The following FIG4 variants were observed in gnomAD, a reference collection of about 807,000 sequenced individuals.
FIG4 encodes FIG4 phosphoinositide 5-phosphatase.
Under a neutral mutation model 118.6 loss-of-function variants are expected in FIG4, and 112 were observed. The ratio of observed to expected loss-of-function variants is 0.94; its 90% CI spans 0.81 to 1.11. The LOEUF (loss-of-function observed/expected upper bound fraction) is 1.11. Among genes scored for constraint, FIG4 ranks in the 50% least tolerant of loss-of-function variants. The pLI, the probability that FIG4 is intolerant of heterozygous loss-of-function variation, is 0.00. For missense variants in FIG4, 969 were observed against 1,111.7 expected (o/e 0.87, Z 1.83); for synonymous variants, 369 against 381.2 (o/e 0.97, Z 0.37).
intron 22 of FIG4, among the ~76,000 whole-genome samples, chr6:109,808,469 T>C (rs963764772): frequency 3.3e-5 from 5 of 152,134 alleles, no homozygotes. Flanking sequence ...ATTTTTAGTA[T>C]TCTTTGTGAC....
chr6:109,717,786 A>G (rs562116069), intron 3 of FIG4, among the ~76,000 whole-genome samples: 1 of 152,356 alleles, frequency 6.6e-6, no homozygotes, highest in Non-Finnish European at 1.5e-5. Context: ...AGGCAAGGCC[A>G]GATTGCTTTG....
At chr6:109,760,219 G>A (rs1455437815) in intron 10 of FIG4, 31 bp from the exon 11 acceptor site, 1 of 1,594,792 alleles carries the variant, frequency 6.3e-7, no homozygotes, top group Admixed American at 1.7e-5. Context: ...AAGGAAATTA[G>A]AACACTGAAA....
intron 15 of FIG4, among the ~76,000 whole-genome samples, chr6:109,769,544 C>G (rs917744346): frequency 1.3e-5 from 2 of 151,766 alleles, no homozygotes; most frequent in African/African-American, 4.8e-5. Flanking sequence ...TTAAACCACT[C>G]AAGACAACTT....
intron 4 of FIG4, among the ~76,000 whole-genome samples, chr6:109,729,004 G>T (rs1436837730): frequency 6.6e-6 from 1 of 151,756 alleles, no homozygotes; most frequent in Non-Finnish European, 1.5e-5. Context: ...GTTTTTTATA[G>T]GTAAACTGAA....
intron 4 of FIG4, among the ~76,000 whole-genome samples, chr6:109,729,402 T>C (rs1322696637): frequency 6.6e-6 from 1 of 152,134 alleles, no homozygotes; most frequent in Non-Finnish European, 1.5e-5. Context: ...GCATTACTTT[T>C]AATCAAGGTA....
At chr6:109,719,115 C>T (rs963735541) in intron 3 of FIG4, among the ~76,000 whole-genome samples, 7 of 152,068 alleles carry the variant, frequency 4.6e-5, no homozygotes, top group Middle Eastern at 3.4e-3. Context: ...GATGGGGTTT[C>T]GCCATGTTGG....
chr6:109,788,245 C>T (rs1461051565), intron 18 of FIG4, among the ~76,000 whole-genome samples: 1 of 152,164 alleles, frequency 6.6e-6, no homozygotes, highest in African/African-American at 2.4e-5. Context: ...TAACATAACA[C>T]TCATGGCCAA....
In FIG4 at chr6:109,741,562, A is replaced by G; in HGVS notation, c.876+18A>G. On this transcript the variant is annotated intron_variant, in intron 8 of 22. Transcript: ENST00000230124. ...ACTGTGAGGTAAGATGACAAACAGT[A>G]TCTTCACTGACCTTTTAACCTTTTA... 1.4e-6 allele frequency: 2 copies of G among 1,426,596 alleles called. No individual in the cohort carries two copies. The highest frequency in any genetic ancestry group is 2.0e-6 in the Non-Finnish European group (2 of 1,009,100). The allele number at this position is 1,426,596 out of a possible 1,614,324, so 88.4% of individuals were successfully genotyped here.
chr6:109,748,072 C>T (rs1776560167), intron 10 of FIG4, among the ~76,000 whole-genome samples: 1 of 152,032 alleles, frequency 6.6e-6, no homozygotes, highest in African/African-American at 2.4e-5. Flanking sequence ...TGGTCATCTG[C>T]TGAGAGTGGA....
chr6:109,696,074 T>G (rs925190657), intron 1 of FIG4, among the ~76,000 whole-genome samples: 21 of 152,216 alleles, frequency 1.4e-4, no homozygotes, highest in African/African-American at 5.1e-4. Context: ...CTTCTTAAAG[T>G]TATTCATTTG....
intron 1 of FIG4, among the ~76,000 whole-genome samples, chr6:109,711,223 C>A (rs930634525): frequency 1.3e-5 from 2 of 152,042 alleles, no homozygotes; most frequent in Admixed American, 6.6e-5. Context: ...CACGGTGAAA[C>A]CCCGTCTCTA....
rs367715585 is a variant in FIG4, at chr6:109,735,129, A to G, written c.498-21A>G. On this transcript the variant is annotated intron_variant, in intron 5 of 22. Coordinates refer to ENST00000230124, the MANE Select transcript of FIG4 (RefSeq NM_014845.6). ...ATGCTTTGCTTTTGTAATTCTTATTAAGTTTCAATTCTGTTCTCAGTTACA... is the reference window on the plus strand; with the variant it reads ...ATGCTTTGCTTTTGTAATTCTTATTGAGTTTCAATTCTGTTCTCAGTTACA... 21 of 1,606,798 alleles carry G rather than the reference A, an allele frequency of 1.3e-5. No homozygotes were observed. The highest frequency in any genetic ancestry group is 1.6e-5 in the Non-Finnish European group (19 of 1,174,004).
intron 1 of FIG4, among the ~76,000 whole-genome samples, chr6:109,694,509 T>A (rs113475506): frequency 2.2e-4 from 34 of 152,340 alleles, no homozygotes; most frequent in African/African-American, 7.9e-4. Flanking sequence ...GGGGAAATGC[T>A]TCAGGATATT....
chr6:109,748,699 C>T (rs191601021), intron 10 of FIG4, among the ~76,000 whole-genome samples: 6 of 152,258 alleles, frequency 3.9e-5, no homozygotes, highest in East Asian at 1.9e-4. Context: ...CACAGTTCCA[C>T]GTGGCTGGGG....
chr6:109,789,745 C>T, intron 19 of FIG4, 68 bp downstream of exon 19: 1 of 1,053,870 alleles, frequency 9.5e-7, no homozygotes, highest in Non-Finnish European at 1.5e-6. Flanking sequence ...AATATGATTT[C>T]CACCAAAAAC....
Position 109,722,735 on chromosome 6 carries a change from A to G in FIG4, c.290-4374A>G, listed in dbSNP as rs974393611. On this transcript the variant is annotated intron_variant, in intron 3 of 22. Transcript: ENST00000230124. ...TGCCCTGTGAGTGAGTGAGCTGGGC[A>G]GGGATGGGACCTTGTGTTCTTGGCC... 1.1e-4 allele frequency among the ~76,000 whole-genome samples: 16 copies of G among 151,986 alleles called. 1 individual carries two copies. Among genetic ancestry groups the G allele is most frequent in the African/African-American group, 3.9e-4 (16 of 41,464 alleles).
chr6:109,799,925 G>A (rs1011360057), intron 22 of FIG4, among the ~76,000 whole-genome samples: 1 of 152,222 alleles, frequency 6.6e-6, no homozygotes, highest in Non-Finnish European at 1.5e-5. Flanking sequence ...CTCCCTGAGT[G>A]TAGGGGTGGT....
intron 22 of FIG4, among the ~76,000 whole-genome samples, chr6:109,816,972 G>A (rs1778879011): frequency 6.6e-6 from 1 of 152,200 alleles, no homozygotes. Context: ...CGCTGCTTCT[G>A]TTCTAGGAAA....
intron 14 of FIG4, 79 bp from the exon 15 acceptor site, chr6:109,766,650 C>G: frequency 2.5e-6 from 3 of 1,218,524 alleles, no homozygotes; most frequent in Non-Finnish European, 3.6e-6. Context: ...AAGTATAAGA[C>G]TTGTTTGGAG....
Sources: allele counts gnomAD v4.1 joint callset (sites outside exome capture counted in the v4.1 genomes callset), GRCh38; gene constraint gnomAD v4.1.1; transcripts MANE v1.5; gene names NCBI Gene and HGNC (gene_info 2026-07-23, HGNC 2026-07-21).